Variants in CACNA2D1 observed in about 807,000 individuals in gnomAD.
CACNA2D1 encodes calcium voltage-gated channel auxiliary subunit alpha2delta 1.
In CACNA2D1, 53 loss-of-function variants were observed where a neutral mutation model predicts 171.5. That is an observed-to-expected ratio of 0.31 (90% CI 0.25 to 0.39). The LOEUF (loss-of-function observed/expected upper bound fraction) is 0.39. Ranked by LOEUF, CACNA2D1 falls within the 10% of genes least tolerant of loss-of-function variation. CACNA2D1 has a pLI of 1.00. For missense variants in CACNA2D1, 903 were observed against 1,299.8 expected (o/e 0.69, Z 4.69); for synonymous variants, 442 against 443.1 (o/e 1.00, Z 0.03).
At chr7:82,150,687 C>A (rs1358234810) in intron 4 of CACNA2D1, among the ~76,000 whole-genome samples, 2 of 152,104 alleles carry the variant, frequency 1.3e-5, no homozygotes, top group Admixed American at 1.3e-4. Context: ...TTACCTGCTA[C>A]AGATCAATTG....
intron 25 of CACNA2D1, among the ~76,000 whole-genome samples, chr7:81,974,235 A>G (rs1257721878): frequency 2.6e-5 from 4 of 152,108 alleles, no homozygotes; most frequent in Admixed American, 2.6e-4. Flanking sequence ...TTGAAAGAAT[A>G]TATTACCTTG....
intron 3 of CACNA2D1, among the ~76,000 whole-genome samples, chr7:82,207,308 A>C (rs894578897): frequency 1.5e-4 from 23 of 152,290 alleles, no homozygotes; most frequent in African/African-American, 4.3e-4. Flanking sequence ...TGCTCTTAGA[A>C]AAATTCCCTC....
chr7:82,130,614 A>G (rs1489813892), intron 5 of CACNA2D1, among the ~76,000 whole-genome samples: 1 of 152,010 alleles, frequency 6.6e-6, no homozygotes, highest in Non-Finnish European at 1.5e-5. Flanking sequence ...AATCCTGGAA[A>G]TGATCACTAA....
chr7:82,252,922 A>G (rs1332173276), intron 3 of CACNA2D1, among the ~76,000 whole-genome samples: 1 of 152,038 alleles, frequency 6.6e-6, no homozygotes, highest in Non-Finnish European at 1.5e-5. Flanking sequence ...CCCAGACACA[A>G]ATTGTGGTAG....
chr7:82,066,715 G>C (rs1445908577), intron 7 of CACNA2D1, among the ~76,000 whole-genome samples, 191 bp from the exon 8 acceptor site: 2 of 151,976 alleles, frequency 1.3e-5, no homozygotes, highest in East Asian at 3.9e-4. Flanking sequence ...AGTACAAAAA[G>C]GAAATCAATG....
intron 4 of CACNA2D1, among the ~76,000 whole-genome samples, chr7:82,158,349 T>C (rs1442030434): frequency 1.3e-5 from 2 of 151,936 alleles, no homozygotes; most frequent in African/African-American, 4.8e-5. Context: ...TTAGCACTTT[T>C]GCTAACACAA....
chr7:82,402,485 G>A (rs1161684534), intron 1 of CACNA2D1, among the ~76,000 whole-genome samples: 1 of 152,070 alleles, frequency 6.6e-6, no homozygotes, highest in African/African-American at 2.4e-5. Flanking sequence ...GGCTGAGGCA[G>A]GTGGATCACA....
chr7:82,335,333 T>A, intron 2 of CACNA2D1, 82 bp from the exon 3 acceptor site: 1 of 818,550 alleles, frequency 1.2e-6, no homozygotes, highest in Non-Finnish European at 2.1e-6. Flanking sequence ...TATTTAAAAC[T>A]ATAAACAACT....
chr7:82,270,324 C>T (rs1027009731), intron 3 of CACNA2D1, among the ~76,000 whole-genome samples: 4 of 152,142 alleles, frequency 2.6e-5, no homozygotes, highest in African/African-American at 7.2e-5. Flanking sequence ...CCCTTTACTT[C>T]ATATATATTG....
intron 1 of CACNA2D1, among the ~76,000 whole-genome samples, chr7:82,417,625 T>C (rs985427687): frequency 6.6e-6 from 1 of 152,172 alleles, no homozygotes; most frequent in African/African-American, 2.4e-5. Flanking sequence ...AGTAAAACCT[T>C]AGATCAGTGG....
chr7:82,058,684 AG>A (rs1806237944), intron 10 of CACNA2D1, among the ~76,000 whole-genome samples: 1 of 152,176 alleles, frequency 6.6e-6, no homozygotes, highest in Non-Finnish European at 1.5e-5. Context: ...AATATAGACA[AG>A]CTAAAGGACT....
intron 4 of CACNA2D1, among the ~76,000 whole-genome samples, chr7:82,162,752 T>C (rs1396851989): frequency 6.6e-6 from 1 of 151,954 alleles, no homozygotes; most frequent in Non-Finnish European, 1.5e-5. Context: ...ATCCAGACCC[T>C]TTTCAGTACT....
intron 3 of CACNA2D1, among the ~76,000 whole-genome samples, chr7:82,313,550 T>C (rs1265990761): frequency 2.0e-5 from 3 of 152,328 alleles, no homozygotes; most frequent in East Asian, 3.9e-4. Flanking sequence ...CTTTGTCCCA[T>C]GCCTTCCATT....
rs150820930 is a variant in CACNA2D1 at position 82,200,787 on chromosome 7, T to C, written c.295-30178A>G. ...AAAGCACATTCCAGGAGAAATGATA[T>C]GTGTGAAACCATAGAGTGATTTAGA... is the stretch of plus-strand genomic sequence containing the variant. On this transcript the variant is annotated intron_variant, in intron 3 of 38. Transcript: ENST00000356860. 4.0e-3 allele frequency among the ~76,000 whole-genome samples: 603 copies of C among 152,288 alleles called. 4 individuals carry two copies. The highest frequency in any genetic ancestry group is 0.012 in the African/African-American group (491 of 41,566).
intron 3 of CACNA2D1, among the ~76,000 whole-genome samples, chr7:82,186,536 C>T (rs1563174731): frequency 6.6e-6 from 1 of 152,126 alleles, no homozygotes; most frequent in Non-Finnish European, 1.5e-5. Flanking sequence ...GGGGCATAGA[C>T]CATCCATAGA....
At chr7:82,331,981 G>T (rs1419609869) in intron 3 of CACNA2D1, among the ~76,000 whole-genome samples, 1 of 152,076 alleles carries the variant, frequency 6.6e-6, no homozygotes, top group Non-Finnish European at 1.5e-5. Flanking sequence ...CAAAATTGAA[G>T]ATAATAATGT....
At chr7:81,986,248 T>G (rs1395745404) in intron 21 of CACNA2D1, among the ~76,000 whole-genome samples, 1 of 152,220 alleles carries the variant, frequency 6.6e-6, no homozygotes, top group African/African-American at 2.4e-5. Context: ...TGTAACCCAC[T>G]TGGTCACCTT....
At chr7:82,425,232 T>C (rs1291594461) in intron 1 of CACNA2D1, among the ~76,000 whole-genome samples, 2 of 152,172 alleles carry the variant, frequency 1.3e-5, no homozygotes, top group Non-Finnish European at 2.9e-5. Flanking sequence ...AGTTTCCCTC[T>C]AGTCTACAAG....
At chr7:82,286,103 T>G (rs753986720) in intron 3 of CACNA2D1, among the ~76,000 whole-genome samples, 1 of 152,208 alleles carries the variant, frequency 6.6e-6, no homozygotes, top group Non-Finnish European at 1.5e-5. Context: ...TTCTCCTTTT[T>G]TTCCTTCTCT....
Sources: gnomAD v4.1 joint callset for allele counts (sites outside exome capture counted in the v4.1 genomes callset) on GRCh38, gnomAD v4.1.1 for gene constraint, MANE v1.5 for transcripts, NCBI Gene and HGNC (gene_info 2026-07-23, HGNC 2026-07-21) for gene names.